The following KSR1 variants were observed in gnomAD, a reference collection of about 807,000 sequenced individuals.
The protein encoded by KSR1 is kinase suppressor of ras.
In KSR1, 35 loss-of-function variants were observed where a neutral mutation model predicts 92.9. The ratio of observed to expected loss-of-function variants is 0.38; its 90% CI spans 0.29 to 0.50. The LOEUF is 0.50. Among genes scored for constraint, KSR1 ranks in the 20% least tolerant of loss-of-function variants. KSR1 has a pLI of 0.94. For synonymous variants in KSR1, 467 were observed against 472.6 expected (o/e 0.99, Z 0.15); for missense variants, 972 against 1,158.5 (o/e 0.84, Z 2.34).
chr17:27,605,491 G>A lies in KSR1; in HGVS notation c.1672G>A (p.Asp558Asn), dbSNP rs370625734. 2.6e-5 allele frequency: 41 copies of A among 1,607,096 alleles called. 1 individual carries two copies. Among genetic ancestry groups the A allele is most frequent in the Admixed American group, 3.4e-5 (2 of 59,320 alleles). ...AGAAGACGATGAGGACGAGGTGGACGACTTGCCGAGCTCTCGCCGGCCCTG... is the reference window on the plus strand; with the variant it reads ...AGAAGACGATGAGGACGAGGTGGACAACTTGCCGAGCTCTCGCCGGCCCTG... The part of the protein sequence containing the change: ...EAEDDEDEVD[D>N]LPSSRRPWRG... The change falls in exon 14 of 21, where the codon GAC becomes AAC. Residue 558 changes from aspartate to asparagine, a missense_variant. This residue lies in a region of KSR1 where 611 missense variants were observed against 668.0 expected (regional missense o/e 0.91). Coordinates refer to ENST00000644974, the MANE Select transcript of KSR1 (RefSeq NM_001394583.1).
intron 10 of KSR1, among the ~76,000 whole-genome samples, chr17:27,599,987 G>A (rs2073493106): frequency 6.6e-6 from 1 of 151,900 alleles, no homozygotes; most frequent in Non-Finnish European, 1.5e-5. Flanking sequence ...CCACCGGAAG[G>A]TCTTCGGGGC....
At chr17:27,591,918 C>T (rs889533261) in intron 7 of KSR1, among the ~76,000 whole-genome samples, 14 of 152,350 alleles carry the variant, frequency 9.2e-5, no homozygotes, top group Admixed American at 3.3e-4. Flanking sequence ...TCAGACCTCA[C>T]GGTCCATTGC....
At chr17:27,595,419 A>T (rs1340855366) in intron 9 of KSR1, among the ~76,000 whole-genome samples, 1 of 152,240 alleles carries the variant, frequency 6.6e-6, no homozygotes, top group Non-Finnish European at 1.5e-5. Context: ...TGATCAGCGC[A>T]GTAACGCTCT....
At chr17:27,616,994 C>T (rs1270491088) in intron 18 of KSR1, among the ~76,000 whole-genome samples, 1 of 152,168 alleles carries the variant, frequency 6.6e-6, no homozygotes, top group Admixed American at 6.5e-5. Flanking sequence ...ACCAACAGCC[C>T]CATTTCTGAT....
intron 1 of KSR1, among the ~76,000 whole-genome samples, chr17:27,491,891 G>T (rs1187604375): frequency 6.6e-6 from 1 of 152,098 alleles, no homozygotes; most frequent in Non-Finnish European, 1.5e-5. Context: ...TGGCTCCAGG[G>T]CTACACTCCT....
intron 1 of KSR1, among the ~76,000 whole-genome samples, chr17:27,504,368 G>A: frequency 6.6e-6 from 1 of 152,180 alleles, no homozygotes; most frequent in East Asian, 1.9e-4. Flanking sequence ...ACCTTCCCAG[G>A]GCCTCTCGCA....
At chr17:27,504,869 C>A (rs998884195) in intron 1 of KSR1, among the ~76,000 whole-genome samples, 6 of 152,216 alleles carry the variant, frequency 3.9e-5, no homozygotes, top group Non-Finnish European at 7.3e-5. Flanking sequence ...AGAGCCAGAG[C>A]TGTTCCCAGC....
At chr17:27,535,331 T>G (rs1387721795) in intron 1 of KSR1, among the ~76,000 whole-genome samples, 1 of 152,156 alleles carries the variant, frequency 6.6e-6, no homozygotes, top group Non-Finnish European at 1.5e-5. Context: ...TGCGACCAAG[T>G]ATCCATAAGA....
chr17:27,566,131 G>A (rs933529022), intron 2 of KSR1, among the ~76,000 whole-genome samples: 2 of 152,190 alleles, frequency 1.3e-5, no homozygotes, highest in African/African-American at 4.8e-5. Flanking sequence ...GGAGATGACC[G>A]TGTTCTTATT....
chr17:27,604,015 C>A, intron 12 of KSR1, 127 bp downstream of exon 12: 1 of 925,874 alleles, frequency 1.1e-6, no homozygotes, highest in South Asian at 1.4e-5. Flanking sequence ...TCCCTGGGCT[C>A]ATTCACCCTC....
At chr17:27,458,065 A>G (rs1449935598) in intron 1 of KSR1, among the ~76,000 whole-genome samples, 1 of 151,978 alleles carries the variant, frequency 6.6e-6, no homozygotes, top group African/African-American at 2.4e-5. Context: ...CCTCAGTTTT[A>G]TTTTCTTAAA....
chr17:27,546,827 C>T (rs1054330787), intron 1 of KSR1, among the ~76,000 whole-genome samples: 4 of 152,066 alleles, frequency 2.6e-5, no homozygotes, highest in South Asian at 2.1e-4. Context: ...CGTGTGTCTA[C>T]GGTTGTGAGC....
chr17:27,568,446 G>A (rs759925521), intron 2 of KSR1, among the ~76,000 whole-genome samples: 7 of 152,384 alleles, frequency 4.6e-5, no homozygotes, highest in East Asian at 1.9e-4. Flanking sequence ...TAGTCTGGAC[G>A]CCCTCTGGCA....
At chr17:27,544,904 C>CT (rs1274676227) in intron 1 of KSR1, among the ~76,000 whole-genome samples, 2 of 152,258 alleles carry the variant, frequency 1.3e-5, no homozygotes. Flanking sequence ...TCATTTCACT[C>CT]TGACGGGAGT....
Position 27,567,278 on chromosome 17 carries a change from T to C in KSR1, c.373-10214T>C, listed in dbSNP as rs142515116. On this transcript the variant is annotated intron_variant, in intron 2 of 20. Coordinates refer to ENST00000644974, the MANE Select transcript of KSR1 (RefSeq NM_001394583.1). The stretch of plus-strand genomic sequence containing the variant: ...CTGGTGACGTGGGATCTGTTTCTTC[T>C]TTTCAAAAAGAAGAAAAGTGCATTG... Among the ~76,000 whole-genome samples, 11 of 152,236 alleles carry C rather than the reference T, an allele frequency of 7.2e-5. No individual in the cohort carries two copies. The South Asian group carries it at 1.7e-3, about 23-fold the overall frequency.
chr17:27,491,000 A>C (rs2068805200), intron 1 of KSR1, among the ~76,000 whole-genome samples: 1 of 152,196 alleles, frequency 6.6e-6, no homozygotes. Context: ...CAAGATGCAG[A>C]ACAATATATA....
chr17:27,461,856 C>T (rs2019459923), intron 1 of KSR1, among the ~76,000 whole-genome samples: 1 of 63,082 alleles, frequency 1.6e-5, no homozygotes, highest in African/African-American at 4.2e-5. Flanking sequence ...AGGTATTCTA[C>T]TCCTGCCCGC....
chr17:27,508,994 G>C (rs1160853264), intron 1 of KSR1, among the ~76,000 whole-genome samples: 1 of 152,002 alleles, frequency 6.6e-6, no homozygotes, highest in African/African-American at 2.4e-5. Flanking sequence ...ACCTCCCAAA[G>C]TGCTGGGATT....
intron 1 of KSR1, among the ~76,000 whole-genome samples, chr17:27,480,276 C>T (rs2068472853): frequency 6.6e-6 from 1 of 152,204 alleles, no homozygotes; most frequent in East Asian, 1.9e-4. Flanking sequence ...CTCCTGCCTC[C>T]CCCACCTAAC....
Sources: allele counts gnomAD v4.1 joint callset (sites outside exome capture counted in the v4.1 genomes callset), GRCh38; gene constraint gnomAD v4.1.1; regional missense constraint gnomAD v4.1.1; transcripts MANE v1.5; gene names NCBI Gene and HGNC (gene_info 2026-07-23, HGNC 2026-07-21).